Variants in GRIA4 observed in about 807,000 individuals in gnomAD.
GRIA4 encodes glutamate ionotropic receptor AMPA type subunit 4.
In GRIA4, 34 loss-of-function variants were observed where a neutral mutation model predicts 104.0. The observed-to-expected ratio is 0.33, with a 90% CI of 0.25 to 0.44. The LOEUF is 0.44. GRIA4 is among the 20% of genes least tolerant of loss of function. The probability of loss-of-function intolerance (pLI) is 1.00; values close to 1 mark genes in which losing one functional copy is unlikely to be tolerated. For missense variants in GRIA4, 750 were observed against 1,096.5 expected (o/e 0.68, Z 4.46); for synonymous variants, 386 against 381.9 (o/e 1.01, Z -0.13).
At chr11:105,620,563 A>G (rs2135270629) in intron 3 of GRIA4, among the ~76,000 whole-genome samples, 1 of 151,964 alleles carries the variant, frequency 6.6e-6, no homozygotes, top group African/African-American at 2.4e-5. Context: ...TGTTTTTCTT[A>G]AAGTTACCTC....
chr11:105,972,532 G>A (rs1387847165), intron 15 of GRIA4, among the ~76,000 whole-genome samples: 4 of 152,078 alleles, frequency 2.6e-5, no homozygotes. Context: ...ATATTTCTGT[G>A]CTGATAGAGA....
At chr11:105,953,630 TAC>T (rs10538700) in intron 14 of GRIA4, among the ~76,000 whole-genome samples, 150,082 of 151,610 alleles carry the variant, frequency 0.99, 74,293 homozygotes, top group East Asian at 1. Flanking sequence ...TGTATACACA[TAC>T]ACACACACAC....
chr11:105,903,562 GT>G (rs1254155366), intron 7 of GRIA4, among the ~76,000 whole-genome samples: 1 of 152,108 alleles, frequency 6.6e-6, no homozygotes, highest in African/African-American at 2.4e-5. Context: ...ATGGAAAACT[GT>G]TTTATTGGAA....
At chr11:105,878,240 G>T (rs981846280) in intron 5 of GRIA4, among the ~76,000 whole-genome samples, 130 of 152,188 alleles carry the variant, frequency 8.5e-4, no homozygotes, top group African/African-American at 3.1e-3. Context: ...TATCACCAGT[G>T]GAGGCTGCAG....
At chr11:105,886,379 ATTAAG>A (rs1406487342) in intron 5 of GRIA4, among the ~76,000 whole-genome samples, 4 of 152,108 alleles carry the variant, frequency 2.6e-5, no homozygotes, top group African/African-American at 9.7e-5. Flanking sequence ...AAAATGTACA[ATTAAG>A]TTATTATTGA....
At chr11:105,847,400 G>A (rs1425886307) in intron 4 of GRIA4, among the ~76,000 whole-genome samples, 1 of 152,162 alleles carries the variant, frequency 6.6e-6, no homozygotes, top group Non-Finnish European at 1.5e-5. Context: ...ACGGGTTGGG[G>A]ACCTCTGCAT....
In GRIA4 at chr11:105,980,705, T is replaced by C. The variant is rs1859221568; in HGVS notation, c.*966T>C. The C allele has an allele frequency of 6.5e-6, 1 of 152,674 alleles. No individual in the cohort carries two copies. The highest frequency in any genetic ancestry group is 1.9e-4 in the East Asian group (1 of 5,204). The allele number at this position is 152,674 out of a possible 1,614,324, so 9.5% of individuals were successfully genotyped here. On this transcript the variant is annotated 3_prime_UTR_variant, in exon 17 of 17. Transcript: ENST00000282499. ...AAAAGAATAAAACAGCAGATGTTCT[T>C]ACAATATCTACAGAGCTTAAAAGTT...
chr11:105,811,463 C>T (rs572390110), intron 4 of GRIA4, among the ~76,000 whole-genome samples: 9 of 152,140 alleles, frequency 5.9e-5, no homozygotes, highest in South Asian at 2.1e-4. Context: ...GTAGCAGCTT[C>T]GAGGTCCCAT....
intron 14 of GRIA4, among the ~76,000 whole-genome samples, chr11:105,939,590 AT>A (rs1948133716): frequency 6.6e-6 from 1 of 152,120 alleles, no homozygotes; most frequent in African/African-American, 2.4e-5. Flanking sequence ...CATACTATAG[AT>A]TCTGACCATG....
At chr11:105,719,390 A>T (rs1954216768) in intron 3 of GRIA4, among the ~76,000 whole-genome samples, 1 of 152,164 alleles carries the variant, frequency 6.6e-6, no homozygotes, top group African/African-American at 2.4e-5. Flanking sequence ...CATTCCTCTC[A>T]TCAAATTAGT....
chr11:105,640,410 T>C (rs930818236), intron 3 of GRIA4, among the ~76,000 whole-genome samples: 1 of 151,822 alleles, frequency 6.6e-6, no homozygotes, highest in Non-Finnish European at 1.5e-5. Context: ...AACAAAACAA[T>C]TAAAATAATA....
intron 4 of GRIA4, among the ~76,000 whole-genome samples, chr11:105,772,679 T>TAC (rs1052393140): frequency 6.6e-5 from 10 of 151,714 alleles, no homozygotes; most frequent in East Asian, 3.9e-4. Flanking sequence ...TACACAAACA[T>TAC]ACACACACAC....
chr11:105,912,492 T>A, intron 10 of GRIA4: 1 of 769,900 alleles, frequency 1.3e-6, no homozygotes, highest in Non-Finnish European at 1.6e-6. Flanking sequence ...AAAAAAAGAC[T>A]AAAAATGACT....
chr11:105,662,638 T>G (rs571566761), intron 3 of GRIA4, among the ~76,000 whole-genome samples: 1 of 152,114 alleles, frequency 6.6e-6, no homozygotes, highest in African/African-American at 2.4e-5. Flanking sequence ...TCTTTACTCA[T>G]TCTTTACTCA....
At chr11:105,723,337 C>T (rs1399814964) in intron 3 of GRIA4, among the ~76,000 whole-genome samples, 1 of 152,014 alleles carries the variant, frequency 6.6e-6, no homozygotes, top group East Asian at 1.9e-4. Context: ...TCGTTTGAAC[C>T]AATATCCTTA....
At chr11:105,841,473 C>T (rs1343575395) in intron 4 of GRIA4, among the ~76,000 whole-genome samples, 3 of 152,110 alleles carry the variant, frequency 2.0e-5, no homozygotes, top group African/African-American at 7.2e-5. Context: ...CTTACTGATC[C>T]ACCTCCCAGA....
At chr11:105,760,013 T>C (rs1476807830) in intron 4 of GRIA4, among the ~76,000 whole-genome samples, 3 of 152,088 alleles carry the variant, frequency 2.0e-5, no homozygotes, top group East Asian at 3.9e-4. Flanking sequence ...ATTCCACTTA[T>C]ATAACAATGA....
chr11:105,776,822 A>C (rs1460288872), intron 4 of GRIA4, among the ~76,000 whole-genome samples: 6 of 152,202 alleles, frequency 3.9e-5, no homozygotes, highest in African/African-American at 1.4e-4. Context: ...TTGGGGTCAC[A>C]AACAGAGGTA....
chr11:105,772,046 C>T lies in GRIA4; in HGVS notation c.487+18826C>T, dbSNP rs76255670. 3.5e-3 allele frequency among the ~76,000 whole-genome samples: 535 copies of T among 152,156 alleles called. 9 individuals are homozygous for T. In the East Asian group the frequency reaches 0.054, roughly 15 times the overall value. On this transcript the variant is annotated intron_variant, in intron 4 of 16. Transcript: ENST00000282499. Reference sequence around the variant, plus strand: ...ATTGACTATAGTACATACTAATCCACTGTAATAATTTCATAGCCACCTCCT... The same window carrying T: ...ATTGACTATAGTACATACTAATCCATTGTAATAATTTCATAGCCACCTCCT...
Sources: gnomAD v4.1 joint callset for allele counts (sites outside exome capture counted in the v4.1 genomes callset) on GRCh38, gnomAD v4.1.1 for gene constraint, MANE v1.5 for transcripts, NCBI Gene and HGNC (gene_info 2026-07-23, HGNC 2026-07-21) for gene names.